The following TF variants were observed in gnomAD, a reference collection of about 807,000 sequenced individuals.
TF encodes the protein transferrin, also known as serotransferrin.
In TF, 55 loss-of-function variants were observed where a neutral mutation model predicts 82.4. That is an observed-to-expected ratio of 0.67 (90% CI 0.54 to 0.84). The LOEUF (loss-of-function observed/expected upper bound fraction) is 0.84, where lower values mean the gene tolerates loss of function less well. Ranked by LOEUF, TF falls within the 40% of genes least tolerant of loss-of-function variation. The probability of loss-of-function intolerance (pLI) is 0.00; values close to 1 mark genes in which losing one functional copy is unlikely to be tolerated. For missense variants in TF, 737 were observed against 868.4 expected (o/e 0.85, Z 1.90); for synonymous variants, 332 against 332.6 (o/e 1.00, Z 0.02).
chr3:133,764,302 G>T, intron 10 of TF, 27 bp downstream of exon 10: 1 of 1,574,968 alleles, frequency 6.3e-7, no homozygotes, highest in Non-Finnish European at 8.7e-7. Context: ...ACCTCTCTGT[G>T]TTTTCTTCCC....
chr3:133,765,723 A>G (rs1313042041), intron 11 of TF, among the ~76,000 whole-genome samples: 3 of 152,212 alleles, frequency 2.0e-5, no homozygotes, highest in Non-Finnish European at 2.9e-5. Context: ...AACTGAAATC[A>G]TAGGTTGATG....
chr3:133,774,847 C>T, intron 14 of TF: 1 of 247,896 alleles, frequency 4.0e-6, no homozygotes, highest in Non-Finnish European at 7.6e-6. Context: ...AGCTGAAACC[C>T]TAAGAATGGG....
At chr3:133,671,461 A>G in the TF span, among the ~76,000 whole-genome samples, 11 of 152,260 alleles carry the variant, frequency 7.2e-5, no homozygotes, top group Non-Finnish European at 1.5e-4. Flanking sequence ...CTGAAAAATC[A>G]GTGACCTTAA....
intron 1 of TF, 103 bp downstream of exon 1, chr3:133,746,586 G>A: frequency 1.5e-6 from 2 of 1,348,562 alleles, no homozygotes; most frequent in South Asian, 2.5e-5. Flanking sequence ...GCTCAGGCTG[G>A]AAGCCTGGGT....
the TF span, among the ~76,000 whole-genome samples, chr3:133,733,190 C>A: frequency 6.6e-6 from 1 of 152,190 alleles, no homozygotes; most frequent in Non-Finnish European, 1.5e-5. Flanking sequence ...GTTGTCCCAG[C>A]CCACTTTATG....
At position 133,777,033 on chromosome 3, in the gene TF, T is replaced by C. The variant is rs1354362919; in HGVS notation, c.1873-16T>C. 1.9e-6 allele frequency: 3 copies of C among 1,613,822 alleles called. No homozygotes were observed. In the African/African-American group the frequency reaches 4.0e-5, roughly 22 times the overall value. Reference sequence around the variant, plus strand: ...AAGACCACAAGGTCCTCACGGACTTTCTGTTCACTTGACAGCACCTATTTG... The same window carrying C: ...AAGACCACAAGGTCCTCACGGACTTCCTGTTCACTTGACAGCACCTATTTG... On this transcript the variant is annotated splice_polypyrimidine_tract_variant and intron_variant, in intron 15 of 16. Transcript: ENST00000402696.
chr3:133,731,783 A>G, the TF span, among the ~76,000 whole-genome samples: 2 of 152,246 alleles, frequency 1.3e-5, no homozygotes, highest in African/African-American at 4.8e-5. Context: ...AGAGTAGTTA[A>G]GTAACTTGTC....
chr3:133,673,512 T>A, the TF span, among the ~76,000 whole-genome samples: 1 of 152,182 alleles, frequency 6.6e-6, no homozygotes, highest in African/African-American at 2.4e-5. Context: ...CAGTGTAGAA[T>A]GTGCAACGCT....
chr3:133,748,288 A>G (rs1933561109), intron 1 of TF, 124 bp from the exon 2 acceptor site: 15 of 1,209,016 alleles, frequency 1.2e-5, no homozygotes, highest in Non-Finnish European at 1.4e-5. Context: ...TGTAGTGTTC[A>G]TGGACAGGAG....
the TF span, among the ~76,000 whole-genome samples, chr3:133,690,555 G>C: frequency 1.3e-5 from 2 of 152,074 alleles, no homozygotes; most frequent in African/African-American, 4.8e-5. Flanking sequence ...ATTCAGTAAG[G>C]GTCATAAAGA....
intron 14 of TF, among the ~76,000 whole-genome samples, chr3:133,771,653 C>T (rs1159540088): frequency 2.1e-5 from 3 of 145,062 alleles, no homozygotes; most frequent in African/African-American, 2.5e-5. Flanking sequence ...AGGAGAATGG[C>T]GTGAACCTGG....
At chr3:133,749,342 A>G (rs1005057742) in intron 2 of TF, among the ~76,000 whole-genome samples, 1 of 152,268 alleles carries the variant, frequency 6.6e-6, no homozygotes, top group Non-Finnish European at 1.5e-5. Context: ...TCATTCTTTC[A>G]ACGTTGCCCC....
chr3:133,701,591 G>A, the TF span, among the ~76,000 whole-genome samples: 1 of 152,286 alleles, frequency 6.6e-6, no homozygotes, highest in Middle Eastern at 3.4e-3. Flanking sequence ...AACAGAACTC[G>A]TGACTGCCAA....
At chr3:133,728,065 T>G in the TF span, among the ~76,000 whole-genome samples, 1 of 152,238 alleles carries the variant, frequency 6.6e-6, no homozygotes, top group Admixed American at 6.5e-5. Context: ...TAACCCAACC[T>G]TTCTCCCTGG....
the TF span, among the ~76,000 whole-genome samples, chr3:133,722,896 C>G: frequency 6.6e-6 from 1 of 152,128 alleles, no homozygotes. Context: ...TTTTTAATGA[C>G]AGTAATTATC....
the TF span, among the ~76,000 whole-genome samples, chr3:133,732,520 C>T: frequency 1.3e-5 from 2 of 152,196 alleles, no homozygotes; most frequent in Admixed American, 1.3e-4. Flanking sequence ...GCAACCCACT[C>T]CGGTTCCTTT....
At chr3:133,721,490 G>A in the TF span, among the ~76,000 whole-genome samples, 2 of 152,150 alleles carry the variant, frequency 1.3e-5, no homozygotes, top group Non-Finnish European at 2.9e-5. Context: ...GTTAAGACTT[G>A]TTTTGTGGCC....
chr3:133,751,433 G>A (rs1017201300), intron 2 of TF, among the ~76,000 whole-genome samples: 9 of 151,848 alleles, frequency 5.9e-5, no homozygotes, highest in Non-Finnish European at 1.2e-4. Context: ...GGGTTTCACC[G>A]TGTTAGCCAG....
At position 133,780,006 on chromosome 3, in the gene TF, A is replaced by C. The variant is rs1251254791; in HGVS notation, c.*1386A>C. On this transcript the variant is annotated 3_prime_UTR_variant, in exon 17 of 17. Transcript: ENST00000402696. ...TTCTGTTGATTTTGCTTTCTAAATA[A>C]CTTCAGTTGGCTCCTTTCTTTTCCT... is the stretch of plus-strand genomic sequence containing the variant. 6.6e-6 allele frequency: 1 copy of C among 152,156 alleles called. No individual in the cohort carries two copies. The highest frequency in any genetic ancestry group is 1.5e-5 in the Non-Finnish European group (1 of 68,038). 9.4% of individuals were successfully genotyped at this position (152,156 alleles called of 1,614,324 possible).
Sources: gnomAD v4.1 joint callset for allele counts (sites outside exome capture counted in the v4.1 genomes callset) on GRCh38, gnomAD v4.1.1 for gene constraint, MANE v1.5 for transcripts, NCBI Gene and HGNC (gene_info 2026-07-23, HGNC 2026-07-21) for gene names.